PTPRN2: variants seen among roughly 807,000 people sequenced by gnomAD.
PTPRN2 encodes receptor-type tyrosine-protein phosphatase N2.
In PTPRN2, 74 loss-of-function variants were observed where a neutral mutation model predicts 118.8. That is an observed-to-expected ratio of 0.62 (90% CI 0.52 to 0.76). The LOEUF (loss-of-function observed/expected upper bound fraction) is 0.76, where lower values mean the gene tolerates loss of function less well. Ranked by LOEUF, PTPRN2 falls within the 30% of genes least tolerant of loss-of-function variation. PTPRN2 has a pLI of 0.00. For synonymous variants in PTPRN2, 641 were observed against 608.0 expected (o/e 1.05, Z -0.80); for missense variants, 1,481 against 1,394.4 (o/e 1.06, Z -0.99).
rs1802610476 is a variant in PTPRN2 at position 157,974,786 on chromosome 7, G to A, written c.1724-76049C>T. ...AATTTCCAGGGCGGTGGGGGGTCTG[G>A]CAAGTGTAGACACAGGGCAGAAGTG... is the stretch of plus-strand genomic sequence containing the variant. On this transcript the variant is annotated intron_variant, in intron 11 of 22. Coordinates refer to ENST00000389418, the MANE Select transcript of PTPRN2 (RefSeq NM_002847.5). This position sits in a 1 kb window ranked among gnomAD's most constrained non-coding sequence, Gnocchi z 4.0. 6.6e-6 allele frequency among the ~76,000 whole-genome samples: 1 copy of A among 152,056 alleles called. No homozygotes were observed. Among genetic ancestry groups the A allele is most frequent in the African/African-American group, 2.4e-5 (1 of 41,394 alleles).
intron 11 of PTPRN2, among the ~76,000 whole-genome samples, chr7:157,983,665 CGT>C (rs1333595905): frequency 6.6e-6 from 1 of 152,084 alleles, no homozygotes; most frequent in Non-Finnish European, 1.5e-5. Flanking sequence ...GGAGGAGTAG[CGT>C]GTGTGTGTGC....
chr7:158,114,080 C>A (rs573151441), intron 9 of PTPRN2, among the ~76,000 whole-genome samples: 5 of 152,290 alleles, frequency 3.3e-5, no homozygotes, highest in South Asian at 2.1e-4. Context: ...AAAACCAAAC[C>A]AAACAAAAAA....
chr7:158,439,248 G>A (rs964456930), intron 2 of PTPRN2, among the ~76,000 whole-genome samples: 8 of 151,274 alleles, frequency 5.3e-5, no homozygotes, highest in East Asian at 1.9e-4. Context: ...TCAGGCCCCC[G>A]TCCACCTCCT....
chr7:157,876,738 C>T (rs1440036491), intron 12 of PTPRN2, among the ~76,000 whole-genome samples: 1 of 152,164 alleles, frequency 6.6e-6, no homozygotes, highest in African/African-American at 2.4e-5. Flanking sequence ...TGGGGCTTCA[C>T]ATGGCCCCTG....
intron 12 of PTPRN2, among the ~76,000 whole-genome samples, chr7:157,713,352 T>C (rs1798745995): frequency 6.6e-6 from 1 of 152,210 alleles, no homozygotes; most frequent in African/African-American, 2.4e-5. Context: ...AGAGAACCCC[T>C]TTGCACTTAA....
chr7:158,365,836 G>GCACA (rs112947057), intron 2 of PTPRN2, among the ~76,000 whole-genome samples: 216 of 14,762 alleles, frequency 0.015, 13 homozygotes, highest in African/African-American at 0.019. Context: ...GTGCATGCGT[G>GCACA]CACACACACA....
At chr7:158,052,209 A>G (rs1309694284) in intron 11 of PTPRN2, among the ~76,000 whole-genome samples, 1 of 152,252 alleles carries the variant, frequency 6.6e-6, no homozygotes, top group Non-Finnish European at 1.5e-5. Context: ...TGTTTTTGTG[A>G]AACGTGCTAA....
chr7:158,149,271 A>G (rs1036475516), intron 6 of PTPRN2, among the ~76,000 whole-genome samples: 1 of 152,182 alleles, frequency 6.6e-6, no homozygotes, highest in Admixed American at 6.5e-5. Flanking sequence ...TTTCCAACCA[A>G]AAGACCTCCA....
At chr7:158,149,059 A>ACACCACGTGTCTTTCCCCC (rs1432696100) in intron 6 of PTPRN2, among the ~76,000 whole-genome samples, 1 of 124,332 alleles carries the variant, frequency 8.0e-6, no homozygotes. Context: ...ACCCCATCTC[A>ACACCACGTGTCTTTCCCCC]TGCCACGTGT....
At chr7:158,566,255 G>A (rs1320368431) in intron 1 of PTPRN2, among the ~76,000 whole-genome samples, 2 of 152,046 alleles carry the variant, frequency 1.3e-5, no homozygotes, top group South Asian at 2.1e-4. Context: ...TCAGGAGACT[G>A]AGGCAGGAGA....
Position 157,817,776 on chromosome 7 carries a change from G to A in PTPRN2, c.1788+80897C>T, listed in dbSNP as rs112085624. Among the ~76,000 whole-genome samples the A allele has an allele frequency of 9.4e-3, 1,426 of 152,260 alleles. 27 individuals carry two copies. The highest frequency in any genetic ancestry group is 0.033 in the African/African-American group (1,370 of 41,552). On this transcript the variant is annotated intron_variant, in intron 12 of 22. Transcript: ENST00000389418. The stretch of plus-strand genomic sequence containing the variant: ...TGTCTATGTGTAATGTGTGAGAGAC[G>A]TGTGTGATGTGTGCATGTGTACATG...
chr7:158,367,391 G>A (rs555517976), intron 2 of PTPRN2, among the ~76,000 whole-genome samples: 2 of 152,316 alleles, frequency 1.3e-5, no homozygotes, highest in East Asian at 3.9e-4. Context: ...TCCCTCACCT[G>A]AGCTCTGTGG....
rs529299854 is a variant in PTPRN2, at chr7:158,525,358, G to C, written c.113-35573C>G. Among the ~76,000 whole-genome samples the C allele has an allele frequency of 6.6e-6, 1 of 152,348 alleles. No individual in the cohort carries two copies. Among genetic ancestry groups the C allele is most frequent in the African/African-American group, 2.4e-5 (1 of 41,584 alleles). ...CAGAAGCTGCAGCAGAAGGTAGCAC[G>C]GGCAGGATGCTAGGCCCCAGGGGCC... is the stretch of plus-strand genomic sequence containing the variant. On this transcript the variant is annotated intron_variant, in intron 1 of 22. Transcript: ENST00000389418. The surrounding 1 kb of genome is among the most constrained non-coding windows in gnomAD (Gnocchi z 4.1).
intron 9 of PTPRN2, among the ~76,000 whole-genome samples, chr7:158,132,927 C>T (rs1438945332): frequency 1.3e-5 from 2 of 152,170 alleles, no homozygotes; most frequent in Non-Finnish European, 2.9e-5. Flanking sequence ...ACACGTCCTT[C>T]TCTTTGAAAC....
At position 158,125,157 on chromosome 7, in the gene PTPRN2, C is replaced by T. The variant is rs116299138; in HGVS notation, c.1556+8520G>A. Among the ~76,000 whole-genome samples the T allele has an allele frequency of 3.9e-3, 585 of 151,160 alleles. 5 individuals are homozygous for T. Among genetic ancestry groups the T allele is most frequent in the African/African-American group, 0.014 (571 of 41,192 alleles). On this transcript the variant is annotated intron_variant, in intron 9 of 22. Coordinates refer to ENST00000389418, the MANE Select transcript of PTPRN2 (RefSeq NM_002847.5). ...ATGGCCACCCCCCTGCCTCAAGTGC[C>T]TCCCACGGCCGCCTCCCTGTCTCGA...
chr7:157,695,626 G>T (rs1045554961), intron 12 of PTPRN2, among the ~76,000 whole-genome samples: 1 of 152,156 alleles, frequency 6.6e-6, no homozygotes, highest in Non-Finnish European at 1.5e-5. Flanking sequence ...ATAGTAGTTG[G>T]CATTGAGATA....
intron 4 of PTPRN2, among the ~76,000 whole-genome samples, chr7:158,194,911 C>CA (rs11423325): frequency 0.51 from 77,971 of 152,102 alleles, 22,079 homozygotes; most frequent in African/African-American, 0.77. Context: ...AGCTCTGATG[C>CA]GGTGTTGACA....
intron 2 of PTPRN2, among the ~76,000 whole-genome samples, chr7:158,371,079 G>A (rs578216141): frequency 5.1e-4 from 78 of 152,208 alleles, no homozygotes; most frequent in Non-Finnish European, 9.0e-4. Context: ...CGGTCATAAC[G>A]AAAAATTTTC....
At chr7:158,138,982 T>A (rs1028551028) in intron 6 of PTPRN2, among the ~76,000 whole-genome samples, 1 of 142,984 alleles carries the variant, frequency 7.0e-6, no homozygotes, top group African/African-American at 3.0e-5. Flanking sequence ...CAGCACACCC[T>A]GCCCAGCACA....
Sources: allele counts gnomAD v4.1 joint callset (sites outside exome capture counted in the v4.1 genomes callset), GRCh38; gene constraint gnomAD v4.1.1; non-coding constraint Gnocchi (gnomAD v3.1); transcripts MANE v1.5; gene names NCBI Gene and HGNC (gene_info 2026-07-23, HGNC 2026-07-21).